Variants in KIAA1671 observed in about 807,000 individuals in gnomAD.
The protein encoded by KIAA1671 is uncharacterized protein KIAA1671.
Under a neutral mutation model 131.2 loss-of-function variants are expected in KIAA1671, and 52 were observed. The ratio of observed to expected loss-of-function variants is 0.40; its 90% CI spans 0.32 to 0.50. The LOEUF is 0.50. KIAA1671 is among the 20% of genes least tolerant of loss of function. The pLI is 0.73. For synonymous variants in KIAA1671, 1,003 were observed against 961.6 expected (o/e 1.04, Z -0.80); for missense variants, 2,360 against 2,364.2 (o/e 1.00, Z 0.04).
chr22:25,040,895 T>A lies in KIAA1671; in HGVS notation c.3765T>A (p.Asp1255Glu), dbSNP rs1343877808. The change falls in exon 5 of 13, where the codon GAT becomes GAA. Residue 1255 changes from aspartate (D) to glutamate (E), a missense_variant. Around this residue, in one of 3 missense-constraint regions of KIAA1671, gnomAD observed 1,161 missense variants for 1,204.7 expected, o/e 0.96. Coordinates refer to ENST00000358431, the MANE Select transcript of KIAA1671 (RefSeq NM_001145206.2). ...GGAGGAGCCTGAAGGAGATGCCCGA[T>A]ACCGGGGGTCTCTGGAAACCGGCCA... Reference protein sequence around the residue: ...QRRRSLKEMPDTGGLWKPASS... With the variant: ...QRRRSLKEMPETGGLWKPASS... The A allele has an allele frequency of 6.6e-7, 1 of 1,518,568 alleles. No individual in the cohort carries two copies. Among genetic ancestry groups the A allele is most frequent in the East Asian group, 2.5e-5 (1 of 40,548 alleles). The allele number at this position is 1,518,568 out of a possible 1,614,324, so 94.1% of individuals were successfully genotyped here. A position where few individuals can be genotyped will look rare whatever the true frequency, so the allele number is the denominator to read the frequency against.
At chr22:25,183,278 G>A (rs1000460001) in intron 10 of KIAA1671, among the ~76,000 whole-genome samples, 34 of 152,288 alleles carry the variant, frequency 2.2e-4, no homozygotes, top group South Asian at 4.2e-4. Context: ...TTTAGTAGAC[G>A]GAAGTTTTGC....
Position 25,029,416 on chromosome 22 carries a change from G to A in KIAA1671, c.1417G>A (p.Glu473Lys). 6.4e-7 allele frequency: 1 copy of A among 1,551,460 alleles called. No homozygotes were observed. The highest frequency in any genetic ancestry group is 8.7e-7 in the Non-Finnish European group (1 of 1,146,868). Reference sequence around the variant, plus strand: ...GTCCCCATCGGCGGCACCAGAGCCGGAGAAAGGGGTTGTGAGCGTTCAGGA... The same window carrying A: ...GTCCCCATCGGCGGCACCAGAGCCGAAGAAAGGGGTTGTGAGCGTTCAGGA... ...PASPSAAPEP[E>K]KGVVSVQERI... Residue 473 changes from glutamate to lysine, a missense_variant, in exon 3 of 13, where the codon GAG becomes AAG. Glu to Lys is a moderately conservative substitution (Grantham distance 56, BLOSUM62 1). Around this residue, in one of 3 missense-constraint regions of KIAA1671, gnomAD observed 1,185 missense variants for 1,126.2 expected, o/e 1.05. Coordinates refer to ENST00000358431, the MANE Select transcript of KIAA1671 (RefSeq NM_001145206.2).
chr22:25,140,208 G>T (rs1002462463), intron 6 of KIAA1671, among the ~76,000 whole-genome samples: 1 of 152,158 alleles, frequency 6.6e-6, no homozygotes, highest in Non-Finnish European at 1.5e-5. Context: ...TTTCCTTGGG[G>T]TAGAGGACTG....
At chr22:25,130,573 G>A (rs1006239364) in intron 6 of KIAA1671, among the ~76,000 whole-genome samples, 2 of 152,152 alleles carry the variant, frequency 1.3e-5, no homozygotes, top group African/African-American at 2.4e-5. Context: ...ATTCCATACA[G>A]GCAAATTGCT....
chr22:25,086,844 C>T (rs1929751248), intron 6 of KIAA1671, among the ~76,000 whole-genome samples: 1 of 152,188 alleles, frequency 6.6e-6, no homozygotes, highest in Non-Finnish European at 1.5e-5. Context: ...CTCTTCCTGA[C>T]CATGTTAGCA....
intron 6 of KIAA1671, among the ~76,000 whole-genome samples, chr22:25,146,910 C>G (rs1256954937): frequency 1.3e-5 from 2 of 152,182 alleles, no homozygotes; most frequent in African/African-American, 2.4e-5. Flanking sequence ...TCTCCTGCCC[C>G]TTTCATCTCC....
chr22:25,037,699 T>C (rs1257646817), intron 4 of KIAA1671, among the ~76,000 whole-genome samples: 1 of 152,138 alleles, frequency 6.6e-6, no homozygotes, highest in Non-Finnish European at 1.5e-5. Context: ...TGGATTTACC[T>C]ATGATGTGTA....
At chr22:25,075,089 C>T (rs1482540493) in intron 6 of KIAA1671, among the ~76,000 whole-genome samples, 1 of 152,202 alleles carries the variant, frequency 6.6e-6, no homozygotes, top group Non-Finnish European at 1.5e-5. Context: ...AAGAAGTTAA[C>T]ATTGGTGCAT....
chr22:25,047,967 T>G (rs1927337419), intron 5 of KIAA1671, among the ~76,000 whole-genome samples: 1 of 152,254 alleles, frequency 6.6e-6, no homozygotes, highest in Admixed American at 6.5e-5. Context: ...ATTTAGGTCT[T>G]TGATCTATTT....
intron 6 of KIAA1671, among the ~76,000 whole-genome samples, chr22:25,135,861 T>C (rs1932655970): frequency 6.6e-6 from 1 of 152,230 alleles, no homozygotes; most frequent in South Asian, 2.1e-4. Context: ...CATTGAGCGC[T>C]TACCATGTGC....
rs192944624 is a variant in KIAA1671 at position 25,099,421 on chromosome 22, A to G, written c.4530+50057A>G. On this transcript the variant is annotated intron_variant, in intron 6 of 12. Transcript: ENST00000358431. ...TGATGTGGGGCCTGGCACACACAAT[A>G]TGTCCTGTCAGCTCTTAGGAAACAT... is the stretch of plus-strand genomic sequence containing the variant. Among the ~76,000 whole-genome samples, 287 of 151,608 alleles carry G rather than the reference A, an allele frequency of 1.9e-3. 1 individual carries two copies. Among genetic ancestry groups the G allele is most frequent in the African/African-American group, 6.6e-3 (273 of 41,286 alleles).
At chr22:25,120,899 C>A (rs567962310) in intron 6 of KIAA1671, among the ~76,000 whole-genome samples, 2 of 152,290 alleles carry the variant, frequency 1.3e-5, no homozygotes, top group South Asian at 4.1e-4. Flanking sequence ...CAGGAGTGAC[C>A]CTGCAGGGGC....
intron 1 of KIAA1671, among the ~76,000 whole-genome samples, chr22:24,973,244 G>A (rs2123816402): frequency 6.6e-6 from 1 of 152,280 alleles, no homozygotes; most frequent in East Asian, 1.9e-4. Context: ...CTCAGGGGCA[G>A]AAGTGGAGGC....
chr22:24,964,628 G>A (rs1214753391), intron 1 of KIAA1671, among the ~76,000 whole-genome samples: 4 of 152,060 alleles, frequency 2.6e-5, no homozygotes, highest in Non-Finnish European at 5.9e-5. Context: ...TTGGTATGTT[G>A]CCCTGGCTAG....
At chr22:25,031,441 C>T (rs1926286798) in intron 3 of KIAA1671, among the ~76,000 whole-genome samples, 1 of 152,178 alleles carries the variant, frequency 6.6e-6, no homozygotes, top group Non-Finnish European at 1.5e-5. Context: ...CGTGATCCGC[C>T]CGCCTCAGCC....
chr22:25,033,573 C>CGTTTT (rs1926408728), intron 4 of KIAA1671, among the ~76,000 whole-genome samples: 2 of 71,662 alleles, frequency 2.8e-5, no homozygotes, highest in Non-Finnish European at 5.4e-5. Context: ...GGTTTGTTTT[C>CGTTTT]GTTTTTTTTT....
chr22:25,054,790 G>C (rs1927752512), intron 6 of KIAA1671: 1 of 149,720 alleles, frequency 6.7e-6, no homozygotes, highest in African/African-American at 2.4e-5. Context: ...TAGCTGAGAA[G>C]CAGGAGTTCG....
intron 1 of KIAA1671, among the ~76,000 whole-genome samples, chr22:24,999,527 C>T (rs1246382523): frequency 6.7e-6 from 1 of 150,102 alleles, no homozygotes; most frequent in Non-Finnish European, 1.5e-5. Flanking sequence ...TATGCCTGGC[C>T]TGGAGTAGTA....
rs3747118 is a variant in KIAA1671 at position 25,195,233 on chromosome 22, A to G, written c.*2832A>G. On this transcript the variant is annotated 3_prime_UTR_variant, in exon 13 of 13. Transcript: ENST00000358431. ...TTGCACATCAGCATTTTAACAGCTG[A>G]TCTTTTGAGAAGCCTGTATCTTTTT... is the stretch of plus-strand genomic sequence containing the variant. 49,619 of 151,868 alleles carry G rather than the reference A, an allele frequency of 0.33. 8,493 individuals carry two copies. Among genetic ancestry groups the G allele is most frequent in the East Asian group, 0.47 (2,441 of 5,150 alleles). The allele number at this position is 151,868 out of a possible 1,614,324, so 9.4% of individuals were successfully genotyped here.
Sources: gnomAD v4.1 joint callset for allele counts (sites outside exome capture counted in the v4.1 genomes callset) on GRCh38, gnomAD v4.1.1 for gene constraint, gnomAD v4.1.1 regional missense constraint, MANE v1.5 for transcripts, NCBI Gene and HGNC (gene_info 2026-07-23, HGNC 2026-07-21) for gene names.